XYLT1: variants seen among roughly 807,000 people sequenced by gnomAD.
XYLT1 encodes xylosyltransferase 1, also known as beta-D-xylosyltransferase 1.
A neutral mutation model predicts 91.3 loss-of-function variants in XYLT1; 36 were observed. The ratio of observed to expected loss-of-function variants is 0.39; its 90% CI spans 0.30 to 0.52. XYLT1 has a LOEUF of 0.52. Ranked by LOEUF, XYLT1 falls within the 20% of genes least tolerant of loss-of-function variation. The pLI is 0.68. For missense variants in XYLT1, 1,242 were observed against 1,284.5 expected, an observed-to-expected ratio of 0.97 and a Z score of 0.51; for synonymous variants, 588 against 532.0, an observed-to-expected ratio of 1.11 and a Z score of -1.45.
Position 17,104,020 on chromosome 16 carries a change from A to C in XYLT1, c.*4675T>G, listed in dbSNP as rs1334287320. On this transcript the variant is annotated 3_prime_UTR_variant, in exon 12 of 12. Coordinates refer to ENST00000261381, the MANE Select transcript of XYLT1 (RefSeq NM_022166.4). ...CATTCAGCTCAAGCAGATTTGGACA[A>C]CTTTGTTCCCCCCTCCCAGGTAAAC... is the stretch of plus-strand genomic sequence containing the variant. 1 of 152,728 alleles carries C rather than the reference A, an allele frequency of 6.5e-6. No homozygotes were observed. Among genetic ancestry groups the C allele is most frequent in the Non-Finnish European group, 1.5e-5 (1 of 68,130 alleles). The allele number at this position is 152,728 out of a possible 1,614,324, so 9.5% of individuals were successfully genotyped here.
In XYLT1 at chr16:17,324,833, C is replaced by T. The variant is rs532457003; in HGVS notation, c.402+33179G>A. Among the ~76,000 whole-genome samples the T allele has an allele frequency of 2.2e-4, 33 of 151,736 alleles. No homozygotes were observed. The South Asian group carries it at 6.3e-3, about 29-fold the overall frequency. ...AAGACATGCATCAAAGATTTTATTT[C>T]GGAATAATGATTTCACCGATCTTTC... On this transcript the variant is annotated intron_variant, in intron 2 of 11. Coordinates refer to ENST00000261381, the MANE Select transcript of XYLT1 (RefSeq NM_022166.4).
chr16:17,428,900 T>G (rs1037430001), intron 1 of XYLT1, among the ~76,000 whole-genome samples: 2 of 152,166 alleles, frequency 1.3e-5, no homozygotes, highest in African/African-American at 4.8e-5. Flanking sequence ...TCAGACTCAA[T>G]CAGCTACCTG....
intron 2 of XYLT1, among the ~76,000 whole-genome samples, chr16:17,300,474 T>TTTTTTTTTTTTTGG (rs869088672): frequency 8.2e-6 from 1 of 122,044 alleles, no homozygotes; most frequent in Non-Finnish European, 1.8e-5. Flanking sequence ...TTTTTTTTTT[T>TTTTTTTTTTTTTGG]GAGATGGAGT....
chr16:17,232,563 A>C (rs553934830), intron 3 of XYLT1, among the ~76,000 whole-genome samples: 43 of 151,468 alleles, frequency 2.8e-4, no homozygotes, highest in African/African-American at 1.0e-3. Context: ...TTGATTGATG[A>C]TGATGAAGAT....
intron 1 of XYLT1, among the ~76,000 whole-genome samples, chr16:17,377,780 C>T (rs545491860): frequency 8.5e-5 from 13 of 152,180 alleles, no homozygotes; most frequent in Admixed American, 2.0e-4. Context: ...TCCCCATTCA[C>T]GCTGGAACCA....
rs182482110 is a variant in XYLT1, at chr16:17,385,645, A to T, written c.364-27595T>A. Among the ~76,000 whole-genome samples the T allele has an allele frequency of 6.6e-5, 10 of 151,752 alleles. 1 individual carries two copies. The East Asian group carries it at 2.0e-3, about 30-fold the overall frequency. On this transcript the variant is annotated intron_variant, in intron 1 of 11. Coordinates refer to ENST00000261381, the MANE Select transcript of XYLT1 (RefSeq NM_022166.4). The stretch of plus-strand genomic sequence containing the variant: ...AGTAACTCAGTATTTTCTTCAACCA[A>T]CTCTCATCTTGTAGTGAAATAGATC...
intron 11 of XYLT1, among the ~76,000 whole-genome samples, chr16:17,111,953 C>T (rs1966841966): frequency 1.3e-5 from 2 of 152,188 alleles, no homozygotes; most frequent in South Asian, 4.1e-4. Context: ...AGCCTGCTGT[C>T]TTTGGTGCGG....
At chr16:17,326,608 G>T (rs1030051067) in intron 2 of XYLT1, among the ~76,000 whole-genome samples, 1 of 152,018 alleles carries the variant, frequency 6.6e-6, no homozygotes, top group Non-Finnish European at 1.5e-5. Context: ...CGGATCACAA[G>T]GTCAGGAGAT....
chr16:17,230,762 C>G (rs2033145555), intron 3 of XYLT1, among the ~76,000 whole-genome samples: 1 of 152,174 alleles, frequency 6.6e-6, no homozygotes, highest in African/African-American at 2.4e-5. Flanking sequence ...GCATTTCAGG[C>G]CTATTCTCTT....
At chr16:17,201,249 G>A (rs1299876215) in intron 3 of XYLT1, among the ~76,000 whole-genome samples, 1 of 152,074 alleles carries the variant, frequency 6.6e-6, no homozygotes, top group African/African-American at 2.4e-5. Flanking sequence ...AATACCTTTT[G>A]TGGCATCATC....
At chr16:17,133,056 A>AGCT (rs1421688521) in intron 9 of XYLT1, among the ~76,000 whole-genome samples, 4 of 152,224 alleles carry the variant, frequency 2.6e-5, no homozygotes, top group Non-Finnish European at 4.4e-5. Context: ...CAAGGTCAAT[A>AGCT]GCTTGTAAGC....
intron 1 of XYLT1, among the ~76,000 whole-genome samples, chr16:17,379,793 A>ACACACACACACACACACACC (rs71373108): frequency 4.2e-5 from 6 of 142,320 alleles, no homozygotes; most frequent in South Asian, 2.3e-4. Flanking sequence ...ACACACACAC[A>ACACACACACACACACACACC]CCCCTTACCT....
At position 17,358,128 on chromosome 16, in the gene XYLT1, TCC is replaced by T. The variant is rs1436463285; in HGVS notation, c.364-80_364-79del. 113 of 1,352,338 alleles carry T rather than the reference TCC, an allele frequency of 8.4e-5. 1 individual carries two copies. The highest frequency in any genetic ancestry group is 1.1e-4 in the South Asian group (8 of 71,250). The allele number at this position is 1,352,338 out of a possible 1,614,324, so 83.8% of individuals were successfully genotyped here. A position where few individuals can be genotyped will look rare whatever the true frequency, so the allele number is the denominator to read the frequency against. On this transcript the variant is annotated intron_variant, in intron 1 of 11. Transcript: ENST00000261381. ...CTACCCCAGCATCTTTTTCTTTCTT[TCC>T]TTTTTTTTTTTTTTTAAGAGACAGG...
chr16:17,457,543 T>G (rs2036761012), intron 1 of XYLT1, among the ~76,000 whole-genome samples: 1 of 152,252 alleles, frequency 6.6e-6, no homozygotes, highest in African/African-American at 2.4e-5. Flanking sequence ...GACGTTTAGC[T>G]TAACATCTCT....
chr16:17,301,538 T>C (rs2034395202), intron 2 of XYLT1, among the ~76,000 whole-genome samples: 1 of 152,204 alleles, frequency 6.6e-6, no homozygotes, highest in African/African-American at 2.4e-5. Context: ...AAATTAAATT[T>C]TTCTTCTTGG....
Position 17,470,770 on chromosome 16 carries a change from C to G in XYLT1, c.27G>C (p.Arg9Ser). 2 of 1,052,200 alleles carry G rather than the reference C, an allele frequency of 1.9e-6. No individual in the cohort carries two copies. The highest frequency in any genetic ancestry group is 1.1e-6 in the Non-Finnish European group (1 of 870,060). 65.2% of individuals were successfully genotyped at this position (1,052,200 alleles called of 1,614,324 possible). A position where few individuals can be genotyped will look rare whatever the true frequency, so the allele number is the denominator to read the frequency against. The change falls in exon 1 of 12, where the codon AGG (arginine) becomes AGC (serine). Residue 9 changes from arginine (R) to serine (S), a missense_variant. Arg to Ser is a moderately radical substitution (Grantham distance 110). Transcript: ENST00000261381. MVAAPCAR[R>S]LARRSHSALL... ...GCGCCGAGTGCGAGCGCCGGGCCAG[C>G]CTCCGGGCGCACGGCGCCGCCACCA...
intron 11 of XYLT1, among the ~76,000 whole-genome samples, chr16:17,109,446 C>T (rs1966824021): frequency 6.6e-6 from 1 of 151,948 alleles, no homozygotes. Context: ...GTGGAGCAAA[C>T]CAGATAGGAA....
At chr16:17,398,585 A>G (rs1232801473) in intron 1 of XYLT1, among the ~76,000 whole-genome samples, 1 of 152,176 alleles carries the variant, frequency 6.6e-6, no homozygotes, top group Non-Finnish European at 1.5e-5. Flanking sequence ...GGCTTAAACA[A>G]TCAAAATGTA....
intron 2 of XYLT1, among the ~76,000 whole-genome samples, chr16:17,311,723 C>T (rs1167032562): frequency 1.3e-5 from 2 of 150,148 alleles, no homozygotes; most frequent in Admixed American, 6.7e-5. Context: ...AAGGCATGCC[C>T]GAGACTGGGT....
Sources: gnomAD v4.1 joint callset for allele counts (sites outside exome capture counted in the v4.1 genomes callset) on GRCh38, gnomAD v4.1.1 for gene constraint, MANE v1.5 for transcripts, NCBI Gene and HGNC (gene_info 2026-07-23, HGNC 2026-07-21) for gene names.